Variants in DLST observed in about 807,000 individuals in gnomAD.
DLST encodes dihydrolipoyllysine-residue succinyltransferase component of 2-oxoglutarate dehydrogenase complex, mitochondrial.
DLST carries 17 observed loss-of-function variants against 53.1 expected under a neutral mutation model. The ratio of observed to expected loss-of-function variants is 0.32; its 90% confidence interval spans 0.22 to 0.48. DLST has a LOEUF of 0.48. DLST is among the 20% of genes least tolerant of loss of function. The probability of loss-of-function intolerance (pLI) is 0.99; values close to 1 mark genes in which losing one functional copy is unlikely to be tolerated. For missense variants in DLST, 512 were observed against 583.9 expected, an observed-to-expected ratio of 0.88 and a Z score of 1.27; for synonymous variants, 206 against 204.8, an observed-to-expected ratio of 1.01 and a Z score of -0.05.
chr14:74,895,851 G>A (rs200022652), intron 10 of DLST, among the ~76,000 whole-genome samples: 6 of 151,878 alleles, frequency 4.0e-5, no homozygotes, highest in East Asian at 3.9e-4. Context: ...GGCTGATATC[G>A]CGCCACTGCA....
chr14:74,903,453 G>A lies in DLST; in HGVS notation c.*1123G>A, dbSNP rs1198286922. On this transcript the variant is annotated 3_prime_UTR_variant, in exon 15 of 15. Transcript: ENST00000334220. The stretch of plus-strand genomic sequence containing the variant: ...GTCATTTCTAAGGTGTGTTGCCCGT[G>A]GATCTGGGCACAATCATTGGAATTC... 2.0e-5 allele frequency: 3 copies of A among 152,182 alleles called. No homozygotes were observed. The highest frequency in any genetic ancestry group is 4.4e-5 in the Non-Finnish European group (3 of 68,038). 9.4% of individuals were successfully genotyped at this position (152,182 alleles called of 1,614,324 possible).
chr14:74,900,235 A>G, intron 12 of DLST, 54 bp from the exon 13 acceptor site: 1 of 1,528,164 alleles, frequency 6.5e-7, no homozygotes, highest in Non-Finnish European at 9.1e-7. Flanking sequence ...GGAGTTGTTA[A>G]CTATAAAAGG....
At chr14:74,894,187 C>G (rs80290383) in intron 9 of DLST, 125 bp from the exon 10 acceptor site, 1 of 1,098,852 alleles carries the variant, frequency 9.1e-7, no homozygotes, top group Non-Finnish European at 1.3e-6. Context: ...GCCTGGAGCT[C>G]GTGTACTTAG....
intron 2 of DLST, among the ~76,000 whole-genome samples, chr14:74,883,775 G>C (rs1260171547): frequency 3.9e-5 from 6 of 152,168 alleles, no homozygotes; most frequent in African/African-American, 1.2e-4. Flanking sequence ...TGATAAGCCA[G>C]GTCTACCTGA....
chr14:74,882,219 CA>C (rs1883545075), intron 1 of DLST, among the ~76,000 whole-genome samples: 1 of 152,200 alleles, frequency 6.6e-6, no homozygotes, highest in African/African-American at 2.4e-5. Context: ...CTGCCTTCTC[CA>C]GGCAGCCTGC....
At chr14:74,888,186 T>C (rs751310257) in intron 3 of DLST, among the ~76,000 whole-genome samples, 36 of 152,220 alleles carry the variant, frequency 2.4e-4, no homozygotes, top group South Asian at 4.1e-4. Context: ...TTTGAATGAA[T>C]CCAGAATGTG....
chr14:74,892,635 T>C (rs369596670), intron 7 of DLST, among the ~76,000 whole-genome samples, 199 bp from the exon 8 acceptor site: 97 of 152,272 alleles, frequency 6.4e-4, no homozygotes, highest in Non-Finnish European at 1.2e-3. Context: ...GCCAGTTATC[T>C]GATGGACATT....
chr14:74,885,498 G>A, intron 2 of DLST, 88 bp from the exon 3 acceptor site: 2 of 1,311,850 alleles, frequency 1.5e-6, no homozygotes, highest in Non-Finnish European at 2.2e-6. Context: ...CTGTCTCAGG[G>A]TTGGGGGTGA....
chr14:74,888,659 A>AG (rs1258532052), intron 3 of DLST, among the ~76,000 whole-genome samples: 1 of 152,190 alleles, frequency 6.6e-6, no homozygotes, highest in Non-Finnish European at 1.5e-5. Flanking sequence ...GTGAACTATT[A>AG]TCATGCTACT....
In DLST at chr14:74,883,571, C is replaced by A. The variant is rs137960707; in HGVS notation, c.97+947C>A. 5.5e-3 allele frequency among the ~76,000 whole-genome samples: 838 copies of A among 152,232 alleles called. 8 individuals are homozygous for A. The highest frequency in any genetic ancestry group is 0.019 in the African/African-American group (800 of 41,558). ...TCCATAGCTTTTTTTCTGTTATATG[C>A]CTAGCCTAAGTATTTGTTGAATGAG... On this transcript the variant is annotated intron_variant, in intron 2 of 14. Transcript: ENST00000334220.
At chr14:74,894,211 T>G in intron 9 of DLST, 101 bp from the exon 10 acceptor site, 1 of 1,397,210 alleles carries the variant, frequency 7.2e-7, no homozygotes, top group Non-Finnish European at 9.9e-7. Flanking sequence ...CTGTAGTCCT[T>G]GGCCATCTAC....
At chr14:74,882,077 G>C in intron 1 of DLST, 61 bp downstream of exon 1, 1 of 1,396,576 alleles carries the variant, frequency 7.2e-7, no homozygotes, top group South Asian at 1.5e-5. Flanking sequence ...GCAGAGAGGC[G>C]GCCTGGAAGG....
chr14:74,890,057 C>A, intron 6 of DLST, 105 bp downstream of exon 6: 1 of 827,660 alleles, frequency 1.2e-6, no homozygotes, highest in Non-Finnish European at 1.8e-6. Flanking sequence ...TTTTAACTAG[C>A]TCTAACTTCA....
At chr14:74,886,928 G>T (rs1227626405) in intron 3 of DLST, among the ~76,000 whole-genome samples, 1 of 151,758 alleles carries the variant, frequency 6.6e-6, no homozygotes, top group Non-Finnish European at 1.5e-5. Context: ...TAGTAGAGAC[G>T]GGGTTTCATC....
At chr14:74,900,056 G>T in intron 12 of DLST, 60 bp downstream of exon 12, 1 of 1,332,686 alleles carries the variant, frequency 7.5e-7, no homozygotes, top group Middle Eastern at 2.0e-4. Context: ...TCTGTGTGAA[G>T]GAGATCACAC....
chr14:74,883,219 C>T lies in DLST; in HGVS notation c.97+595C>T, dbSNP rs866804403. On this transcript the variant is annotated intron_variant, in intron 2 of 14. Transcript: ENST00000334220. ...CTGAGGCACGAGAATGGCGTGAAGCCGGGAGGCGGAGCTTGCAGTGAGCCG... is the reference window on the plus strand; with the variant it reads ...CTGAGGCACGAGAATGGCGTGAAGCTGGGAGGCGGAGCTTGCAGTGAGCCG... 1.8e-4 allele frequency among the ~76,000 whole-genome samples: 26 copies of T among 148,376 alleles called. 1 individual carries two copies. Among genetic ancestry groups the T allele is most frequent in the African/African-American group, 6.3e-4 (25 of 39,576 alleles).
chr14:74,899,954 T>G lies in DLST; in HGVS notation c.933T>G (p.Tyr311Ter). ...ACGACACAACCAAAGAGGTGGTGTATAGGGATTATATTGACATCAGTGTTG... is the reference window on the plus strand; with the variant it reads ...ACGACACAACCAAAGAGGTGGTGTAGAGGGATTATATTGACATCAGTGTTG... ...VIDDTTKEVV[Y>*]RDYIDISVAV... Residue 311 changes from tyrosine (Y) to a stop codon, truncating the protein, a stop_gained, in exon 12 of 15, where the codon TAT becomes TAG. Transcript: ENST00000334220. LOFTEE classifies it high-confidence loss of function. 1 of 1,613,652 alleles carries G rather than the reference T, an allele frequency of 6.2e-7. No homozygotes were observed. Among genetic ancestry groups the G allele is most frequent in the Non-Finnish European group, 8.5e-7 (1 of 1,179,848 alleles).
chr14:74,888,838 G>C (rs1034125376), intron 3 of DLST, among the ~76,000 whole-genome samples: 1 of 152,182 alleles, frequency 6.6e-6, no homozygotes, highest in Non-Finnish European at 1.5e-5. Flanking sequence ...TGCAGCACAG[G>C]GGCCTGAGCA....
rs1463003724 is a variant in DLST, at chr14:74,885,691, A to T, written c.146+57A>T. ...CCACGGGTTATTTATTTAAAGACAT[A>T]AAGTTCTAAATTTGACCATCTGATT... is the stretch of plus-strand genomic sequence containing the variant. On this transcript the variant is annotated intron_variant, in intron 3 of 14. Transcript: ENST00000334220. 3.3e-6 allele frequency: 5 copies of T among 1,511,958 alleles called. No individual in the cohort carries two copies. In the Admixed American group the frequency reaches 1.1e-4, roughly 32 times the overall value. 93.7% of individuals were successfully genotyped at this position (1,511,958 alleles called of 1,614,324 possible).
Sources: allele counts gnomAD v4.1 joint callset (sites outside exome capture counted in the v4.1 genomes callset), GRCh38; gene constraint gnomAD v4.1.1; transcripts MANE v1.5; gene names NCBI Gene and HGNC (gene_info 2026-07-23, HGNC 2026-07-21).